The following PSTPIP1 variants were observed in gnomAD, a reference collection of about 807,000 sequenced individuals.
PSTPIP1 encodes proline-serine-threonine phosphatase interacting protein 1.
In PSTPIP1, 66 loss-of-function variants were observed where a neutral mutation model predicts 69.6. That is an observed-to-expected ratio of 0.95 (90% CI 0.78 to 1.16). The LOEUF is 1.16. PSTPIP1 is among the 50% of genes most tolerant of loss of function. The pLI is 0.00. For missense variants in PSTPIP1, 603 were observed against 557.4 expected (o/e 1.08, Z -0.82); for synonymous variants, 266 against 222.7 (o/e 1.19, Z -1.73).
In PSTPIP1 at chr15:77,007,998, C is replaced by T. The variant is rs558935247; in HGVS notation, c.37-10150C>T. On this transcript the variant is annotated intron_variant, in intron 1 of 14. Coordinates refer to ENST00000558012, the MANE Select transcript of PSTPIP1 (RefSeq NM_003978.5). ...TTGACCTGGACCAGCTCTGAGCCCA[C>T]TCTCCTAGGCATCAGGACATCAGAC... 304 of 456,232 alleles carry T rather than the reference C, an allele frequency of 6.7e-4. 1 individual carries two copies. The highest frequency in any genetic ancestry group is 5.6e-3 in the African/African-American group (283 of 50,150). The allele number at this position is 456,232 out of a possible 1,614,324, so 28.3% of individuals were successfully genotyped here.
intron 1 of PSTPIP1, among the ~76,000 whole-genome samples, chr15:77,009,816 C>T (rs150351857): frequency 3.8e-4 from 58 of 152,338 alleles, no homozygotes; most frequent in African/African-American, 1.3e-3. Flanking sequence ...AGCCCTGTCA[C>T]GCCCCACTGC....
At chr15:76,995,990 G>A (rs1021524899) in intron 1 of PSTPIP1, among the ~76,000 whole-genome samples, 1 of 152,198 alleles carries the variant, frequency 6.6e-6, no homozygotes, top group Admixed American at 6.5e-5. Context: ...TCTGTTACAG[G>A]CTGGGCAAGT....
chr15:77,009,530 C>T (rs1349204709), intron 1 of PSTPIP1, among the ~76,000 whole-genome samples: 1 of 152,194 alleles, frequency 6.6e-6, no homozygotes, highest in Non-Finnish European at 1.5e-5. Flanking sequence ...AGAGAAGTGT[C>T]CCAGCTAGGA....
Position 77,029,555 on chromosome 15 carries a change from G to C in PSTPIP1, c.543G>C (p.Lys181Asn). The change falls in exon 8 of 15, where the codon AAG becomes AAC. Residue 181 changes from lysine to asparagine, a missense_variant. Coordinates refer to ENST00000558012, the MANE Select transcript of PSTPIP1 (RefSeq NM_003978.5). ...EKSQNKARQC[K>N]DSATEAERVY... is the part of the protein sequence containing the mutation. ...GTCAGAACAAAGCCAGGCAGTGCAA[G>C]GACTCGGCCACCGAGGCAGGTATGT... The C allele has an allele frequency of 1.3e-6, 2 of 1,584,094 alleles. No individual in the cohort carries two copies. The highest frequency in any genetic ancestry group is 1.7e-6 in the Non-Finnish European group (2 of 1,166,154).
chr15:77,010,981 A>G (rs866897925), intron 1 of PSTPIP1, among the ~76,000 whole-genome samples: 10 of 152,228 alleles, frequency 6.6e-5, no homozygotes, highest in Middle Eastern at 6.8e-3. Context: ...GTTTCATGAC[A>G]CAGGAGAAAG....
intron 8 of PSTPIP1, among the ~76,000 whole-genome samples, chr15:77,030,162 TCCTCCAGCGC>T (rs557081126): frequency 1.3e-5 from 2 of 152,244 alleles, no homozygotes; most frequent in South Asian, 4.1e-4. Flanking sequence ...ACTCCACCCC[TCCTCCAGCGC>T]CCTCTCAGCT....
chr15:77,014,172 C>G (rs575253270), intron 1 of PSTPIP1, among the ~76,000 whole-genome samples: 1 of 152,298 alleles, frequency 6.6e-6, no homozygotes, highest in Non-Finnish European at 1.5e-5. Context: ...CGGCAGGTCC[C>G]TGGGCAGATT....
rs117606006 is a variant in PSTPIP1, at chr15:77,022,713, A to G, written c.213-2571A>G. 5.8e-3 allele frequency among the ~76,000 whole-genome samples: 881 copies of G among 152,290 alleles called. 46 individuals are homozygous for G. In the East Asian group the frequency reaches 0.14, roughly 24 times the overall value. On this transcript the variant is annotated intron_variant, in intron 3 of 14. Coordinates refer to ENST00000558012, the MANE Select transcript of PSTPIP1 (RefSeq NM_003978.5). Reference sequence around the variant, plus strand: ...GCTGAGGCTGCCTCCTTGAAATTTCATCTGGGGCCAAGAAAGGGAGGAGTG... The same window carrying G: ...GCTGAGGCTGCCTCCTTGAAATTTCGTCTGGGGCCAAGAAAGGGAGGAGTG...
chr15:77,026,104 A>C (rs148619462), intron 5 of PSTPIP1: 91 of 456,176 alleles, frequency 2.0e-4, no homozygotes, highest in African/African-American at 1.7e-3. Flanking sequence ...GGTACTTCTC[A>C]CCCATATGTA....
intron 5 of PSTPIP1, among the ~76,000 whole-genome samples, chr15:77,026,810 C>T (rs1234064789): frequency 6.6e-6 from 1 of 152,260 alleles, no homozygotes; most frequent in Non-Finnish European, 1.5e-5. Context: ...GCCCGCAGAG[C>T]CTGCAGAGAA....
At chr15:77,011,673 A>T (rs1444856776) in intron 1 of PSTPIP1, among the ~76,000 whole-genome samples, 3 of 152,062 alleles carry the variant, frequency 2.0e-5, no homozygotes, top group African/African-American at 7.2e-5. Context: ...TCCCATATTT[A>T]TTTGCTTATA....
intron 6 of PSTPIP1, 66 bp from the exon 7 acceptor site, chr15:77,028,488 C>G: frequency 7.4e-7 from 1 of 1,354,414 alleles, no homozygotes; most frequent in Non-Finnish European, 1.0e-6. Flanking sequence ...GCTAAGGGAG[C>G]CTCACTCCCG....
rs1009078635 is a variant in PSTPIP1, at chr15:77,027,382, T to A, written c.355-470T>A. ...GTGGGTGACTGTGGGAGTGTGTACT[T>A]GTGAGTGGCATCTGTGGGTGTGCAC... On this transcript the variant is annotated intron_variant, in intron 5 of 14. Transcript: ENST00000558012. This position sits in a 1 kb window ranked among gnomAD's most constrained non-coding sequence, Gnocchi z 4.3. Among the ~76,000 whole-genome samples the A allele has an allele frequency of 2.6e-5, 4 of 152,088 alleles. No homozygotes were observed. Among genetic ancestry groups the A allele is most frequent in the Non-Finnish European group, 5.9e-5 (4 of 67,996 alleles).
intron 12 of PSTPIP1, among the ~76,000 whole-genome samples, chr15:77,034,490 G>GCCCCTGAGTCATGGCTCAGC (rs2076507038): frequency 6.6e-6 from 1 of 151,954 alleles, no homozygotes; most frequent in Non-Finnish European, 1.5e-5. Flanking sequence ...CCCCCCACAG[G>GCCCCTGAGTCATGGCTCAGC]CCCCTGAGTC....
At chr15:77,002,729 G>C (rs984508071) in intron 1 of PSTPIP1, among the ~76,000 whole-genome samples, 7 of 152,146 alleles carry the variant, frequency 4.6e-5, no homozygotes, top group African/African-American at 1.7e-4. Context: ...CAGGGTTCTG[G>C]GTCGATTTGG....
chr15:77,023,133 C>T (rs1194945349), intron 3 of PSTPIP1, among the ~76,000 whole-genome samples: 1 of 152,244 alleles, frequency 6.6e-6, no homozygotes, highest in Non-Finnish European at 1.5e-5. Flanking sequence ...AGACCATGAA[C>T]CGGGGTGGCC....
Position 77,027,738 on chromosome 15 carries a change from C to T in PSTPIP1, c.355-114C>T. 1 of 1,273,228 alleles carries T rather than the reference C, an allele frequency of 7.9e-7. No individual in the cohort carries two copies. The highest frequency in any genetic ancestry group is 1.1e-6 in the Non-Finnish European group (1 of 898,788). The allele number at this position is 1,273,228 out of a possible 1,614,324, so 78.9% of individuals were successfully genotyped here. On this transcript the variant is annotated intron_variant, in intron 5 of 14. Coordinates refer to ENST00000558012, the MANE Select transcript of PSTPIP1 (RefSeq NM_003978.5). This position sits in a 1 kb window ranked among gnomAD's most constrained non-coding sequence, Gnocchi z 4.3. ...GGGAGGGAGGGCAGCCTGTCACCCT[C>T]TCTCCAGAGCCAGGAGAGGTGCTGC...
rs375932577 is a variant in PSTPIP1 at position 77,028,590 on chromosome 15, G to C, written c.454G>C (p.Asp152His). 3 of 1,603,452 alleles carry C rather than the reference G, an allele frequency of 1.9e-6. No individual in the cohort carries two copies. In the African/African-American group the frequency reaches 4.0e-5, roughly 21 times the overall value. Reference protein sequence around the residue: ...KTYEQKCRDADDAEQAFERIS... With the variant: ...KTYEQKCRDAHDAEQAFERIS... ...ATACGAGCAGAAGTGCCGGGACGCGGACGACGCGGAGCAGGCCTTCGAGCG... is the reference window on the plus strand; with the variant it reads ...ATACGAGCAGAAGTGCCGGGACGCGCACGACGCGGAGCAGGCCTTCGAGCG... The change falls in exon 7 of 15, where the codon GAC becomes CAC. Residue 152 changes from aspartate (D) to histidine (H), a missense_variant. Asp to His is a moderately conservative substitution (Grantham distance 81). Transcript: ENST00000558012.
chr15:77,015,863 C>T (rs796274791), intron 1 of PSTPIP1: 3 of 452,614 alleles, frequency 6.6e-6, no homozygotes, highest in African/African-American at 6.0e-5. Flanking sequence ...GGCCACAGCC[C>T]CTGCCAGCAG....
Sources: gnomAD v4.1 joint callset for allele counts (sites outside exome capture counted in the v4.1 genomes callset) on GRCh38, gnomAD v4.1.1 for gene constraint, Gnocchi (gnomAD v3.1) non-coding constraint, MANE v1.5 for transcripts, NCBI Gene and HGNC (gene_info 2026-07-23, HGNC 2026-07-21) for gene names.